WDR59: variants seen among roughly 807,000 people sequenced by gnomAD.
WDR59 encodes the protein GATOR2 complex protein WDR59.
A neutral mutation model predicts 131.2 loss-of-function variants in WDR59; 100 were observed. The ratio of observed to expected loss-of-function variants is 0.76; its 90% CI spans 0.65 to 0.90. WDR59 has a LOEUF of 0.90. Ranked by LOEUF, WDR59 falls within the 40% of genes least tolerant of loss-of-function variation. The pLI is 0.00. For synonymous variants in WDR59, 601 were observed against 466.2 expected (o/e 1.29, Z -3.72); for missense variants, 1,203 against 1,262.2 (o/e 0.95, Z 0.71).
At chr16:74,950,829 T>A (rs1192866070) in intron 4 of WDR59, among the ~76,000 whole-genome samples, 1 of 151,914 alleles carries the variant, frequency 6.6e-6, no homozygotes, top group Non-Finnish European at 1.5e-5. Context: ...AACTGGGGGA[T>A]TCTGCTGCAT....
chr16:74,946,873 G>A (rs973572608), intron 6 of WDR59, among the ~76,000 whole-genome samples: 9 of 152,160 alleles, frequency 5.9e-5, no homozygotes, highest in African/African-American at 2.2e-4. Context: ...CCATTTCAGA[G>A]CAAACACCAA....
chr16:74,901,712 T>C (rs982783220), intron 18 of WDR59, among the ~76,000 whole-genome samples: 1 of 151,212 alleles, frequency 6.6e-6, no homozygotes. Context: ...TAGACTGGAA[T>C]CATTTCCAGA....
At chr16:74,918,097 C>A in intron 10 of WDR59, 89 bp from the exon 11 acceptor site, 1 of 1,294,710 alleles carries the variant, frequency 7.7e-7, no homozygotes, top group South Asian at 1.2e-5. Flanking sequence ...TTCATCCATC[C>A]ATTCAACAAA....
At chr16:74,933,370 C>T (rs1035439117) in intron 8 of WDR59, among the ~76,000 whole-genome samples, 1 of 152,134 alleles carries the variant, frequency 6.6e-6, no homozygotes, top group East Asian at 1.9e-4. Context: ...TCTCTGAGCA[C>T]ATCATTTGTT....
intron 25 of WDR59, among the ~76,000 whole-genome samples, chr16:74,875,147 C>A (rs1483041330): frequency 3.4e-4 from 52 of 152,202 alleles, no homozygotes; most frequent in Admixed American, 3.4e-3. Flanking sequence ...TTTACCAACG[C>A]CTGCTACTGC....
intron 8 of WDR59, among the ~76,000 whole-genome samples, chr16:74,928,523 T>C (rs1477434447): frequency 6.6e-6 from 1 of 152,014 alleles, no homozygotes; most frequent in Non-Finnish European, 1.5e-5. Flanking sequence ...CCAGCTTTTT[T>C]CCCTGTTCTT....
At chr16:74,923,440 T>C (rs556350330) in intron 9 of WDR59, among the ~76,000 whole-genome samples, 13 of 152,196 alleles carry the variant, frequency 8.5e-5, no homozygotes, top group Non-Finnish European at 1.9e-4. Context: ...AATTCTGATG[T>C]AGATACTTAC....
Position 74,909,783 on chromosome 16 carries a change from C to T in WDR59, c.1485+39G>A, listed in dbSNP as rs5023508. 113 of 1,593,468 alleles carry T rather than the reference C, an allele frequency of 7.1e-5. No homozygotes were observed. The East Asian group carries it at 2.5e-3, about 35-fold the overall frequency. ...AGGGAGAAAGAAATGAAACAAAACA[C>T]CAAAGCCTAAGTTGGTATGACAGTT... is the stretch of plus-strand genomic sequence containing the variant. On this transcript the variant is annotated intron_variant, in intron 15 of 25. Coordinates refer to ENST00000262144, the MANE Select transcript of WDR59 (RefSeq NM_030581.4).
chr16:74,908,836 TG>T, intron 17 of WDR59, 71 bp downstream of exon 17: 1 of 1,299,082 alleles, frequency 7.7e-7, no homozygotes, highest in East Asian at 2.3e-5. Context: ...GCAAACTCAG[TG>T]GTCCTTCCCA....
intron 9 of WDR59, among the ~76,000 whole-genome samples, chr16:74,923,686 G>A (rs1250022777): frequency 2.0e-5 from 3 of 152,014 alleles, no homozygotes; most frequent in Admixed American, 6.6e-5. Flanking sequence ...CCATGGCCAG[G>A]ATGGTCTCGA....
chr16:74,946,034 G>A (rs1000250991), intron 6 of WDR59, among the ~76,000 whole-genome samples: 4 of 151,812 alleles, frequency 2.6e-5, no homozygotes, highest in South Asian at 2.1e-4. Flanking sequence ...GGCTGGTCTC[G>A]AACTCCTGAC....
intron 1 of WDR59, among the ~76,000 whole-genome samples, chr16:74,970,470 G>A (rs1427164454): frequency 1.5e-5 from 2 of 129,422 alleles, no homozygotes; most frequent in Non-Finnish European, 3.2e-5. Flanking sequence ...ACTCCAGCCT[G>A]GGTGACAGAG....
chr16:74,904,261 A>G, intron 17 of WDR59, 161 bp from the exon 18 acceptor site: 1 of 789,110 alleles, frequency 1.3e-6, no homozygotes, highest in Non-Finnish European at 2.0e-6. Flanking sequence ...AAAATGCTTT[A>G]TCTGCACAAG....
chr16:74,940,250 G>A (rs1246642688), intron 7 of WDR59, among the ~76,000 whole-genome samples: 1 of 151,756 alleles, frequency 6.6e-6, no homozygotes, highest in East Asian at 1.9e-4. Flanking sequence ...GTGGTGGTGG[G>A]CACCTGTAAT....
intron 2 of WDR59, among the ~76,000 whole-genome samples, chr16:74,957,473 G>C (rs1413694206): frequency 6.6e-6 from 1 of 152,084 alleles, no homozygotes; most frequent in African/African-American, 2.4e-5. Flanking sequence ...TTATTACTAA[G>C]CCAAAATCCT....
At position 74,963,804 on chromosome 16, in the gene WDR59, G is replaced by A. The variant is rs116541747; in HGVS notation, c.104+1969C>T. On this transcript the variant is annotated intron_variant, in intron 2 of 25. Coordinates refer to ENST00000262144, the MANE Select transcript of WDR59 (RefSeq NM_030581.4). ...ACTTCAAGAGGCCAAGGCAGAGGCAGATGGATTGCTTGAGTCTGGGATGTC... is the reference window on the plus strand; with the variant it reads ...ACTTCAAGAGGCCAAGGCAGAGGCAAATGGATTGCTTGAGTCTGGGATGTC... 4.2e-3 allele frequency among the ~76,000 whole-genome samples: 640 copies of A among 152,152 alleles called. 2 individuals are homozygous for A. Among genetic ancestry groups the A allele is most frequent in the African/African-American group, 0.015 (606 of 41,516 alleles).
chr16:74,946,006 G>A (rs981412304), intron 6 of WDR59, among the ~76,000 whole-genome samples: 20 of 151,736 alleles, frequency 1.3e-4, no homozygotes, highest in Admixed American at 5.9e-4. Context: ...TAGTAGAGAC[G>A]GGGTTTCTCC....
intron 1 of WDR59, among the ~76,000 whole-genome samples, chr16:74,966,318 A>G (rs368031270): frequency 1.2e-3 from 177 of 152,142 alleles, no homozygotes; most frequent in African/African-American, 3.9e-3. Flanking sequence ...CAACTCTACT[A>G]AAAATACAAA....
intron 21 of WDR59, 133 bp from the exon 22 acceptor site, chr16:74,888,452 G>A: frequency 1.1e-6 from 1 of 943,988 alleles, no homozygotes; most frequent in East Asian, 2.8e-5. Flanking sequence ...AAACCCATCA[G>A]GAAATGGGGC....
Sources: gnomAD v4.1 joint callset for allele counts (sites outside exome capture counted in the v4.1 genomes callset) on GRCh38, gnomAD v4.1.1 for gene constraint, MANE v1.5 for transcripts, NCBI Gene and HGNC (gene_info 2026-07-23, HGNC 2026-07-21) for gene names.